The following TMEM132D variants were observed in gnomAD, a reference collection of about 807,000 sequenced individuals.
TMEM132D encodes transmembrane protein 132D.
A neutral mutation model predicts 62.3 loss-of-function variants in TMEM132D; 21 were observed. The ratio of observed to expected loss-of-function variants is 0.34; its 90% CI spans 0.24 to 0.49. The LOEUF (loss-of-function observed/expected upper bound fraction) is 0.49. Among genes scored for constraint, TMEM132D ranks in the 20% least tolerant of loss-of-function variants. The pLI is 0.99. For synonymous variants in TMEM132D, 621 were observed against 575.6 expected (o/e 1.08, Z -1.13); for missense variants, 1,346 against 1,402.8 (o/e 0.96, Z 0.65).
chr12:129,311,026 G>A lies in TMEM132D; in HGVS notation c.1299+26608C>T, dbSNP rs1317177817. 3.6e-5 allele frequency among the ~76,000 whole-genome samples: 5 copies of A among 139,230 alleles called. 1 individual carries two copies. Among genetic ancestry groups the A allele is most frequent in the African/African-American group, 8.5e-5 (3 of 35,124 alleles). The allele number at this position is 139,230 out of a possible 152,430, so 91.3% of individuals were successfully genotyped here. ...ATCCTGGCTAACACGGTGAAACCCC[G>A]TCTCTACTAAAAATACAAAAAATTA... is the stretch of plus-strand genomic sequence containing the variant. On this transcript the variant is annotated intron_variant, in intron 4 of 8. Transcript: ENST00000422113.
chr12:129,209,457 T>G, intron 5 of TMEM132D, 63 bp downstream of exon 5: 1 of 1,598,626 alleles, frequency 6.3e-7, no homozygotes, highest in Non-Finnish European at 8.5e-7. Flanking sequence ...CCCAAGCTGG[T>G]CCAGGAGCAC....
chr12:129,522,875 TACAGATTAGATATATATGTAGAC>T, intron 3 of TMEM132D: 1 of 151,984 alleles, frequency 6.6e-6, no homozygotes, highest in Non-Finnish European at 1.5e-5. Flanking sequence ...GACAAAGCTA[TACAGATTAGATATATATGTAGAC>T]ACAGATTAGA....
At chr12:129,186,154 A>G (rs1878217888) in intron 5 of TMEM132D, among the ~76,000 whole-genome samples, 1 of 152,088 alleles carries the variant, frequency 6.6e-6, no homozygotes, top group East Asian at 1.9e-4. Flanking sequence ...CCCCATGGGG[A>G]TGCTATCATC....
chr12:129,659,479 A>G (rs1880179992), intron 2 of TMEM132D, among the ~76,000 whole-genome samples: 1 of 152,214 alleles, frequency 6.6e-6, no homozygotes, highest in Non-Finnish European at 1.5e-5. Context: ...AGCAAATAAG[A>G]GTTTACTCAC....
At chr12:129,258,883 G>A (rs1880478994) in intron 4 of TMEM132D, among the ~76,000 whole-genome samples, 1 of 152,192 alleles carries the variant, frequency 6.6e-6, no homozygotes, top group Non-Finnish European at 1.5e-5. Context: ...GGCGATGTGT[G>A]CCTTTAGTCC....
chr12:129,749,575 G>T (rs1262777929), intron 1 of TMEM132D, among the ~76,000 whole-genome samples: 2 of 150,872 alleles, frequency 1.3e-5, no homozygotes, highest in Non-Finnish European at 2.9e-5. Context: ...TCCTGCCTCA[G>T]CCTCCCAAGT....
At chr12:129,124,229 C>G (rs374724937) in intron 5 of TMEM132D, among the ~76,000 whole-genome samples, 1 of 152,160 alleles carries the variant, frequency 6.6e-6, no homozygotes, top group African/African-American at 2.4e-5. Flanking sequence ...CTCAAAATGA[C>G]AAGCCCAGAG....
chr12:129,501,375 A>C (rs904470974), intron 3 of TMEM132D, among the ~76,000 whole-genome samples: 3 of 152,248 alleles, frequency 2.0e-5, no homozygotes, highest in East Asian at 1.9e-4. Flanking sequence ...CTTTTGAAAA[A>C]AAAAATCTGA....
intron 4 of TMEM132D, among the ~76,000 whole-genome samples, chr12:129,308,308 T>TTC (rs1490055650): frequency 6.6e-6 from 1 of 152,244 alleles, no homozygotes; most frequent in Non-Finnish European, 1.5e-5. Context: ...GAACCATGTT[T>TTC]TCTTTACCCT....
At chr12:129,575,042 C>T (rs993591297) in intron 2 of TMEM132D, among the ~76,000 whole-genome samples, 5 of 151,654 alleles carry the variant, frequency 3.3e-5, no homozygotes, top group African/African-American at 9.7e-5. Flanking sequence ...ATCTGCTTGG[C>T]GCTACATATG....
At chr12:129,087,259 G>A (rs896481206) in intron 5 of TMEM132D, among the ~76,000 whole-genome samples, 6 of 151,920 alleles carry the variant, frequency 3.9e-5, no homozygotes, top group South Asian at 4.2e-4. Flanking sequence ...TGCACTTAGC[G>A]TCATGTCCTC....
chr12:129,580,252 A>T (rs1877807588), intron 2 of TMEM132D, among the ~76,000 whole-genome samples: 1 of 152,218 alleles, frequency 6.6e-6, no homozygotes, highest in South Asian at 2.1e-4. Context: ...AATAAGACAC[A>T]CAGCCTAAGT....
chr12:129,888,312 C>T (rs998138145), intron 1 of TMEM132D, among the ~76,000 whole-genome samples: 2 of 152,160 alleles, frequency 1.3e-5, no homozygotes, highest in Admixed American at 6.5e-5. Flanking sequence ...GGGTAAAATT[C>T]TACTGAAGTC....
intron 4 of TMEM132D, among the ~76,000 whole-genome samples, chr12:129,270,667 G>T (rs1880829927): frequency 6.6e-6 from 1 of 152,162 alleles, no homozygotes; most frequent in Non-Finnish European, 1.5e-5. Context: ...GTGTGAGAGT[G>T]TGCCAAGAGA....
At chr12:129,518,572 C>T (rs948960103) in intron 3 of TMEM132D, among the ~76,000 whole-genome samples, 1 of 89,410 alleles carries the variant, frequency 1.1e-5, no homozygotes, top group Non-Finnish European at 3.2e-5. Context: ...TATATACACA[C>T]ACACACACAT....
intron 1 of TMEM132D, among the ~76,000 whole-genome samples, chr12:129,774,736 T>A (rs568022301): frequency 1.3e-5 from 2 of 152,354 alleles, no homozygotes; most frequent in East Asian, 3.9e-4. Flanking sequence ...TGCACAGATG[T>A]GGACCAAGAC....
intron 3 of TMEM132D, among the ~76,000 whole-genome samples, chr12:129,383,473 G>A (rs540698012): frequency 1.3e-4 from 20 of 152,152 alleles, no homozygotes; most frequent in Non-Finnish European, 2.6e-4. Context: ...TTATTGAGGC[G>A]GAGTCTTGCT....
intron 2 of TMEM132D, among the ~76,000 whole-genome samples, chr12:129,659,421 C>CA (rs1352696284): frequency 6.6e-6 from 1 of 151,930 alleles, no homozygotes; most frequent in Non-Finnish European, 1.5e-5. Flanking sequence ...GGCAGGAAAA[C>CA]AAAAAACAGT....
At chr12:129,594,303 A>C (rs1335776827) in intron 2 of TMEM132D, among the ~76,000 whole-genome samples, 1 of 152,206 alleles carries the variant, frequency 6.6e-6, no homozygotes, top group African/African-American at 2.4e-5. Context: ...CAGGTGAGTC[A>C]AGAGATTTTC....
Sources: allele counts gnomAD v4.1 joint callset (sites outside exome capture counted in the v4.1 genomes callset), GRCh38; gene constraint gnomAD v4.1.1; transcripts MANE v1.5; gene names NCBI Gene and HGNC (gene_info 2026-07-23, HGNC 2026-07-21).